The following SGCD variants were observed in gnomAD, a reference collection of about 807,000 sequenced individuals.
SGCD encodes the protein sarcoglycan delta.
SGCD carries 18 observed loss-of-function variants against 36.6 expected under a neutral mutation model. The observed-to-expected ratio is 0.49, with a 90% CI of 0.34 to 0.73. SGCD has a LOEUF of 0.73. Among genes scored for constraint, SGCD ranks in the 30% least tolerant of loss-of-function variants. SGCD has a pLI of 0.01. For synonymous variants in SGCD, 133 were observed against 130.6 expected, an observed-to-expected ratio of 1.02 and a Z score of -0.12; for missense variants, 387 against 346.7, an observed-to-expected ratio of 1.12 and a Z score of -0.92.
chr5:156,121,151 T>C (rs763809747), intron 2 of SGCD, among the ~76,000 whole-genome samples: 56 of 152,114 alleles, frequency 3.7e-4, no homozygotes, highest in African/African-American at 1.2e-3. Flanking sequence ...TGATAAAAGA[T>C]GGAAAGATTC....
At chr5:155,759,827 A>G in the SGCD span, among the ~76,000 whole-genome samples, 2 of 152,186 alleles carry the variant, frequency 1.3e-5, no homozygotes, top group South Asian at 2.1e-4. Flanking sequence ...CTTAGTTACT[A>G]TCACATACTT....
chr5:156,307,351 T>A lies in SGCD; in HGVS notation c.-43-22183T>A, dbSNP rs76500922. 4.7e-4 allele frequency among the ~76,000 whole-genome samples: 71 copies of A among 152,328 alleles called. 1 individual carries two copies. In the East Asian group the frequency reaches 0.01, roughly 22 times the overall value. On this transcript the variant is annotated intron_variant, in intron 3 of 9. Transcript: ENST00000517913. ...GCCACTGCACCTAGCAAATTTTCTA[T>A]CTTTAAAATGTCAACGTATTTGTGT...
At chr5:156,469,673 G>T (rs1008370225) in intron 3 of SGCD, among the ~76,000 whole-genome samples, 5 of 152,230 alleles carry the variant, frequency 3.3e-5, no homozygotes, top group Middle Eastern at 3.4e-3. Context: ...ATGTCATTTA[G>T]TCCTCACTAC....
the SGCD span, among the ~76,000 whole-genome samples, chr5:155,863,021 A>G: frequency 1.3e-5 from 2 of 152,214 alleles, no homozygotes; most frequent in Admixed American, 6.5e-5. Flanking sequence ...AGTGCATTCT[A>G]TCTCTGTTTC....
intron 3 of SGCD, among the ~76,000 whole-genome samples, chr5:156,261,713 C>T (rs1025096988): frequency 6.6e-6 from 1 of 152,112 alleles, no homozygotes; most frequent in African/African-American, 2.4e-5. Context: ...TAGGAGATGA[C>T]AGCTCCAAGT....
At chr5:156,179,593 C>T (rs116020183) in intron 3 of SGCD, among the ~76,000 whole-genome samples, 4,591 of 151,796 alleles carry the variant, frequency 0.03, 80 homozygotes, top group Non-Finnish European at 0.046. Context: ...TTCTCCTCAC[C>T]CCAATGAATA....
At chr5:156,201,784 A>T (rs1162246599) in intron 3 of SGCD, among the ~76,000 whole-genome samples, 1 of 151,250 alleles carries the variant, frequency 6.6e-6, no homozygotes, top group Non-Finnish European at 1.5e-5. Context: ...CGAGCCAGGG[A>T]TATTTTGGAG....
intron 7 of SGCD, among the ~76,000 whole-genome samples, chr5:156,679,242 C>G (rs1222011593): frequency 6.6e-6 from 1 of 152,176 alleles, no homozygotes; most frequent in African/African-American, 2.4e-5. Flanking sequence ...CTTTGAACTC[C>G]TGTTCTGTCA....
chr5:155,971,093 T>A (rs1192520862), intron 1 of SGCD, among the ~76,000 whole-genome samples: 1 of 152,122 alleles, frequency 6.6e-6, no homozygotes, highest in East Asian at 1.9e-4. Context: ...AGCTTATGAA[T>A]TTTTTTCTTT....
At chr5:156,466,492 C>A (rs982646538) in intron 3 of SGCD, among the ~76,000 whole-genome samples, 1 of 152,168 alleles carries the variant, frequency 6.6e-6, no homozygotes. Flanking sequence ...ATTTACCCAA[C>A]TCTCCCCTCA....
chr5:155,827,672 C>CTTTT, the SGCD span, among the ~76,000 whole-genome samples: 15 of 64,438 alleles, frequency 2.3e-4, no homozygotes, highest in African/African-American at 3.8e-4. Context: ...CTAAATAATT[C>CTTTT]TTTTTTTTTT....
chr5:155,982,863 A>T (rs1366571873), intron 1 of SGCD, among the ~76,000 whole-genome samples: 1 of 152,198 alleles, frequency 6.6e-6, no homozygotes, highest in East Asian at 1.9e-4. Context: ...GCTCCGAAAC[A>T]GAGGATGTGT....
chr5:156,553,645 C>T (rs995760999), intron 4 of SGCD, among the ~76,000 whole-genome samples: 2 of 152,144 alleles, frequency 1.3e-5, no homozygotes, highest in African/African-American at 4.8e-5. Flanking sequence ...CCCCTGGCAA[C>T]CCTAATCTGC....
the SGCD span, among the ~76,000 whole-genome samples, chr5:155,766,302 A>G: frequency 6.6e-6 from 1 of 152,074 alleles, no homozygotes; most frequent in East Asian, 1.9e-4. Flanking sequence ...GGCTACCTAA[A>G]GAAGAAGGGA....
At chr5:156,338,397 T>C (rs1339437262) in intron 2 of SGCD, among the ~76,000 whole-genome samples, 1 of 152,200 alleles carries the variant, frequency 6.6e-6, no homozygotes, top group Non-Finnish European at 1.5e-5. Context: ...TGGATGCTCC[T>C]GACCCATGAC....
At chr5:156,189,750 T>G (rs1162622017) in intron 3 of SGCD, among the ~76,000 whole-genome samples, 1 of 152,148 alleles carries the variant, frequency 6.6e-6, no homozygotes, top group Non-Finnish European at 1.5e-5. Context: ...TTTGTGCTGT[T>G]GCTGATGTAC....
chr5:155,923,669 A>G (rs928212427), intron 1 of SGCD, among the ~76,000 whole-genome samples: 1 of 152,226 alleles, frequency 6.6e-6, no homozygotes, highest in African/African-American at 2.4e-5. Context: ...GAAGCAAGAA[A>G]AGGAATCAAG....
chr5:155,765,948 T>C, the SGCD span, among the ~76,000 whole-genome samples: 2 of 152,056 alleles, frequency 1.3e-5, no homozygotes, highest in African/African-American at 4.8e-5. Context: ...TTTCCTCTTA[T>C]GGGCTCAGAA....
chr5:156,016,680 A>T (rs1201960645), intron 1 of SGCD, among the ~76,000 whole-genome samples: 2 of 152,134 alleles, frequency 1.3e-5, no homozygotes, highest in Non-Finnish European at 2.9e-5. Flanking sequence ...TGCCGTGTTT[A>T]CTTAAATGTA....
Sources: allele counts gnomAD v4.1 joint callset (sites outside exome capture counted in the v4.1 genomes callset), GRCh38; gene constraint gnomAD v4.1.1; transcripts MANE v1.5; gene names NCBI Gene and HGNC (gene_info 2026-07-23, HGNC 2026-07-21).